The following NCAM2 variants were observed in gnomAD, a reference collection of about 807,000 sequenced individuals.
NCAM2 encodes N-CAM-2.
NCAM2 carries 30 observed loss-of-function variants against 98.1 expected under a neutral mutation model. That is an observed-to-expected ratio of 0.31 (90% CI 0.23 to 0.41). NCAM2 has a LOEUF of 0.41. NCAM2 is among the 10% of genes least tolerant of loss of function. The pLI, the probability that NCAM2 is intolerant of heterozygous loss-of-function variation, is 1.00. For synonymous variants in NCAM2, 368 were observed against 342.4 expected, an observed-to-expected ratio of 1.07 and a Z score of -0.83; for missense variants, 867 against 1,005.8, an observed-to-expected ratio of 0.86 and a Z score of 1.87.
At chr21:21,080,217 T>A (rs74384742) in intron 1 of NCAM2, among the ~76,000 whole-genome samples, 5,880 of 152,248 alleles carry the variant, frequency 0.039, 363 homozygotes, top group African/African-American at 0.13. Flanking sequence ...TACATTAAAC[T>A]TGTGCAGTAT....
At chr21:21,173,191 C>G (rs1342092366) in intron 1 of NCAM2, among the ~76,000 whole-genome samples, 4 of 152,052 alleles carry the variant, frequency 2.6e-5, no homozygotes, top group Non-Finnish European at 5.9e-5. Context: ...AATTTAACTA[C>G]TGATGGTAGA....
At chr21:21,039,527 C>T (rs745842714) in intron 1 of NCAM2, among the ~76,000 whole-genome samples, 18 of 152,098 alleles carry the variant, frequency 1.2e-4, no homozygotes, top group African/African-American at 3.6e-4. Flanking sequence ...ATTACACAGT[C>T]TATACATGTA....
At chr21:21,080,454 TA>T (rs1405483872) in intron 1 of NCAM2, among the ~76,000 whole-genome samples, 2 of 151,638 alleles carry the variant, frequency 1.3e-5, no homozygotes, top group African/African-American at 4.8e-5. Context: ...CCATCTCCAC[TA>T]AAAATACAAA....
intron 8 of NCAM2, among the ~76,000 whole-genome samples, chr21:21,344,079 G>A (rs1238762871): frequency 6.6e-6 from 1 of 152,184 alleles, no homozygotes; most frequent in African/African-American, 2.4e-5. Context: ...TGTTAGAGTT[G>A]TGAGGACTTT....
chr21:21,373,564 C>T (rs2075967802), intron 8 of NCAM2, among the ~76,000 whole-genome samples: 1 of 151,702 alleles, frequency 6.6e-6, no homozygotes, highest in East Asian at 1.9e-4. Context: ...GGTGATACCA[C>T]ATGAGAGATC....
At chr21:21,364,286 A>G (rs2075729059) in intron 8 of NCAM2, among the ~76,000 whole-genome samples, 1 of 151,992 alleles carries the variant, frequency 6.6e-6, no homozygotes, top group Non-Finnish European at 1.5e-5. Flanking sequence ...TCTGTTATCA[A>G]TTATACATGA....
chr21:21,133,159 CAGTA>C (rs547346837), intron 1 of NCAM2, among the ~76,000 whole-genome samples: 231 of 152,212 alleles, frequency 1.5e-3, no homozygotes, highest in Non-Finnish European at 2.7e-3. Context: ...ATTTTAGTAA[CAGTA>C]AGCTACAGTA....
At chr21:21,067,865 C>G (rs1276068067) in intron 1 of NCAM2, among the ~76,000 whole-genome samples, 2 of 151,954 alleles carry the variant, frequency 1.3e-5, no homozygotes, top group Non-Finnish European at 2.9e-5. Flanking sequence ...CCCATTGACC[C>G]TTTTATGTGG....
chr21:21,191,290 G>A (rs2068813660), intron 1 of NCAM2, among the ~76,000 whole-genome samples: 3 of 152,152 alleles, frequency 2.0e-5, no homozygotes, highest in Non-Finnish European at 1.5e-5. Flanking sequence ...CATTTGGCTT[G>A]TAATGATGTT....
At chr21:21,060,185 A>G (rs1277888468) in intron 1 of NCAM2, among the ~76,000 whole-genome samples, 2 of 152,138 alleles carry the variant, frequency 1.3e-5, no homozygotes, top group East Asian at 1.9e-4. Flanking sequence ...TTTATTATGC[A>G]TAATGCCAAT....
At chr21:21,130,947 G>A (rs569100597) in intron 1 of NCAM2, among the ~76,000 whole-genome samples, 4 of 152,146 alleles carry the variant, frequency 2.6e-5, no homozygotes, top group African/African-American at 9.6e-5. Context: ...CGTGATCAAC[G>A]TTATTGATAC....
rs1430291800 is a variant in NCAM2 at position 21,008,870 on chromosome 21, C to T, written c.55+10252C>T. 2.0e-5 allele frequency among the ~76,000 whole-genome samples: 3 copies of T among 152,136 alleles called. No homozygotes were observed. The East Asian group carries it at 5.8e-4, about 29-fold the overall frequency. On this transcript the variant is annotated intron_variant, in intron 1 of 17. Coordinates refer to ENST00000400546, the MANE Select transcript of NCAM2 (RefSeq NM_004540.5). ...ATCCTATTCTCTCAGCCTCATTGCTCATTACTGTGCACACCAGTTCATTCA... is the reference window on the plus strand; with the variant it reads ...ATCCTATTCTCTCAGCCTCATTGCTTATTACTGTGCACACCAGTTCATTCA...
At chr21:21,070,166 C>T (rs1367450878) in intron 1 of NCAM2, among the ~76,000 whole-genome samples, 2 of 151,782 alleles carry the variant, frequency 1.3e-5, no homozygotes, top group Non-Finnish European at 2.9e-5. Context: ...AAGCTCCAGA[C>T]ATATTACTAT....
intron 5 of NCAM2, among the ~76,000 whole-genome samples, chr21:21,295,926 CT>C (rs2147605768): frequency 1.3e-5 from 2 of 151,852 alleles, no homozygotes; most frequent in East Asian, 3.9e-4. Flanking sequence ...CTTGGTGTCC[CT>C]TTTCACTTTC....
chr21:21,028,620 T>C (rs765372875), intron 1 of NCAM2, among the ~76,000 whole-genome samples: 15 of 152,222 alleles, frequency 9.9e-5, no homozygotes, highest in Admixed American at 6.5e-4. Context: ...CCACCTTAAC[T>C]GAATTAAAAT....
chr21:21,109,045 A>T (rs1020034285), intron 1 of NCAM2, among the ~76,000 whole-genome samples: 2 of 152,154 alleles, frequency 1.3e-5, no homozygotes, highest in African/African-American at 2.4e-5. Context: ...AAATAGCATA[A>T]CATATCACAT....
At chr21:21,192,038 A>G (rs2068839636) in intron 1 of NCAM2, among the ~76,000 whole-genome samples, 1 of 152,094 alleles carries the variant, frequency 6.6e-6, no homozygotes, top group Non-Finnish European at 1.5e-5. Context: ...CCTGGCTAAC[A>G]TGGTGAAACC....
intron 6 of NCAM2, among the ~76,000 whole-genome samples, chr21:21,326,440 G>T (rs1205130309): frequency 6.6e-5 from 10 of 152,132 alleles, no homozygotes; most frequent in Admixed American, 6.6e-4. Context: ...GTTGTCTGCA[G>T]CACAACCCTT....
intron 1 of NCAM2, among the ~76,000 whole-genome samples, chr21:21,046,088 C>T (rs2065003562): frequency 6.6e-6 from 1 of 152,146 alleles, no homozygotes; most frequent in Non-Finnish European, 1.5e-5. Flanking sequence ...CAAGTATGGG[C>T]ATGCAGGCTA....
Sources: allele counts gnomAD v4.1 joint callset (sites outside exome capture counted in the v4.1 genomes callset), GRCh38; gene constraint gnomAD v4.1.1; transcripts MANE v1.5; gene names NCBI Gene and HGNC (gene_info 2026-07-23, HGNC 2026-07-21).